Variants in ZNF354C observed in about 807,000 individuals in gnomAD.
ZNF354C encodes zinc finger protein 354C, also known as KRAB-zinc finger protein synten.
ZNF354C carries 7 observed loss-of-function variants against 12.4 expected under a neutral mutation model. The ratio of observed to expected loss-of-function variants is 0.56; its 90% CI spans 0.32 to 1.06. ZNF354C has a LOEUF of 1.06. Ranked by LOEUF, ZNF354C falls within the 50% of genes least tolerant of loss-of-function variation. ZNF354C has a pLI of 0.04. For synonymous variants in ZNF354C, 202 were observed against 224.5 expected, an observed-to-expected ratio of 0.90 and a Z score of 0.90; for missense variants, 609 against 658.0, an observed-to-expected ratio of 0.93 and a Z score of 0.81.
In ZNF354C at chr5:179,073,621, A is replaced by G. The variant is rs184808551; in HGVS notation, c.28-2824A>G. On this transcript the variant is annotated intron_variant, in intron 2 of 4. Transcript: ENST00000315475. The stretch of plus-strand genomic sequence containing the variant: ...GGTCTATTTTTTTGACTCTTGGCCA[A>G]AACAAGATAAAGGCAGCATGGTTTT... Among the ~76,000 whole-genome samples, 16 of 152,214 alleles carry G rather than the reference A, an allele frequency of 1.1e-4. No homozygotes were observed. In the East Asian group the frequency reaches 3.1e-3, roughly 29 times the overall value.
chr5:179,064,968 G>T (rs1451287462), intron 2 of ZNF354C, among the ~76,000 whole-genome samples: 1 of 152,086 alleles, frequency 6.6e-6, no homozygotes, highest in Non-Finnish European at 1.5e-5. Context: ...AAGGCACATG[G>T]AATTTGGTAT....
chr5:179,065,638 A>G (rs759971338), intron 2 of ZNF354C, among the ~76,000 whole-genome samples: 8 of 151,886 alleles, frequency 5.3e-5, no homozygotes, highest in Non-Finnish European at 1.2e-4. Context: ...CTGGTCTCGA[A>G]CTCTTGGCCT....
intron 2 of ZNF354C, among the ~76,000 whole-genome samples, chr5:179,074,912 T>C (rs867485541): frequency 3.3e-5 from 5 of 152,134 alleles, no homozygotes; most frequent in South Asian, 4.1e-4. Context: ...ACATTATAAT[T>C]ATTCGAGTAA....
At chr5:179,069,815 G>A (rs1028475565) in intron 2 of ZNF354C, among the ~76,000 whole-genome samples, 12 of 148,484 alleles carry the variant, frequency 8.1e-5, no homozygotes, top group African/African-American at 2.7e-4. Context: ...GCAGTGAGCC[G>A]AGATTGCGCC....
At position 179,082,908 on chromosome 5, in the gene ZNF354C, A is replaced by G; in HGVS notation, c.*2811A>G. On this transcript the variant is annotated 3_prime_UTR_variant, in exon 5 of 5. Coordinates refer to ENST00000315475, the MANE Select transcript of ZNF354C (RefSeq NM_014594.3). ...CTTGCCAGTGCGCTGATGAAGAATCACGGAGAACTCCACCTCATCTCCTGC... is the reference window on the plus strand; with the variant it reads ...CTTGCCAGTGCGCTGATGAAGAATCGCGGAGAACTCCACCTCATCTCCTGC... The G allele has an allele frequency of 1.0e-6, 1 of 984,726 alleles. No homozygotes were observed. Among genetic ancestry groups the G allele is most frequent in the Non-Finnish European group, 1.6e-6 (1 of 611,708 alleles). 61.0% of individuals were successfully genotyped at this position (984,726 alleles called of 1,614,324 possible).
Position 179,076,552 on chromosome 5 carries a change from C to T in ZNF354C, c.135C>T (p.Tyr45=), listed in dbSNP as rs778217762. The T allele has an allele frequency of 1.2e-5, 20 of 1,614,120 alleles. No homozygotes were observed. The highest frequency in any genetic ancestry group is 5.0e-5 in the Admixed American group (3 of 60,022). ...ALYREVMLEN[Y]SSLVSLGIPF... ...ACCGGGAGGTGATGCTGGAGAACTACAGCAGCCTGGTCTCACTGGGTAAGA... is the reference window on the plus strand; with the variant it reads ...ACCGGGAGGTGATGCTGGAGAACTATAGCAGCCTGGTCTCACTGGGTAAGA... The change falls in exon 3 of 5, where the codon TAC becomes TAT. Residue 45 remains tyrosine, a synonymous_variant. Coordinates refer to ENST00000315475, the MANE Select transcript of ZNF354C (RefSeq NM_014594.3).
intron 4 of ZNF354C, 39 bp downstream of exon 4, chr5:179,077,205 T>A (rs1283338643): frequency 1.3e-6 from 2 of 1,526,370 alleles, no homozygotes; most frequent in Non-Finnish European, 1.8e-6. Context: ...AGGGGTTCTT[T>A]ATAGACAAGT....
rs1762229149 is a variant in ZNF354C, at chr5:179,081,735, A to AT, written c.*1638_*1639insT. 6.6e-6 allele frequency: 1 copy of AT among 152,196 alleles called. No individual in the cohort carries two copies. The highest frequency in any genetic ancestry group is 2.4e-5 in the African/African-American group (1 of 41,442). The allele number at this position is 152,196 out of a possible 1,614,324, so 9.4% of individuals were successfully genotyped here. A position where few individuals can be genotyped will look rare whatever the true frequency, so the allele number is the denominator to read the frequency against. On this transcript the variant is annotated 3_prime_UTR_variant, in exon 5 of 5. Coordinates refer to ENST00000315475, the MANE Select transcript of ZNF354C (RefSeq NM_014594.3). ...GGTTTCTAAATGCCATTCCCCACTA[A>AT]AAGGAACCAGGGTTCCTTGGAGAAA...
chr5:179,076,698 G>A (rs1201956284), intron 3 of ZNF354C, 127 bp downstream of exon 3: 2 of 1,220,064 alleles, frequency 1.6e-6, no homozygotes, highest in Non-Finnish European at 2.3e-6. Flanking sequence ...CTGTAGAGTG[G>A]AAAGTGTACA....
intron 2 of ZNF354C, among the ~76,000 whole-genome samples, chr5:179,073,938 T>C (rs1339785849): frequency 6.6e-6 from 1 of 152,018 alleles, no homozygotes; most frequent in Non-Finnish European, 1.5e-5. Context: ...GTTACAGGTG[T>C]GAGCCACTGA....
At position 179,082,743 on chromosome 5, in the gene ZNF354C, G is replaced by A. The variant is rs1762246071; in HGVS notation, c.*2646G>A. The A allele has an allele frequency of 6.8e-7, 1 of 1,472,144 alleles. No individual in the cohort carries two copies. The highest frequency in any genetic ancestry group is 9.5e-7 in the Non-Finnish European group (1 of 1,052,762). The allele number at this position is 1,472,144 out of a possible 1,614,324, so 91.2% of individuals were successfully genotyped here. On this transcript the variant is annotated 3_prime_UTR_variant, in exon 5 of 5. Transcript: ENST00000315475. The stretch of plus-strand genomic sequence containing the variant: ...CCCCATTGAGTTATCTGGTCCCCTT[G>A]GCTGACGAAGAGCCATTAGGCGAGG...
In ZNF354C at chr5:179,078,944, C is replaced by G. The variant is rs140067208; in HGVS notation, c.512C>G (p.Thr171Arg). 6.2e-7 allele frequency: 1 copy of G among 1,613,992 alleles called. No individual in the cohort carries two copies. The highest frequency in any genetic ancestry group is 8.5e-7 in the Non-Finnish European group (1 of 1,179,942). ...CTTGAATTGGGGAAAAGCTTATTTA[C>G]AAATACAGCTCTTGTCACACAACAG... ...TSLELGKSLF[T>R]NTALVTQQSV... The change falls in exon 5 of 5, where the codon ACA becomes AGA. Residue 171 changes from threonine to arginine, a missense_variant. Coordinates refer to ENST00000315475, the MANE Select transcript of ZNF354C (RefSeq NM_014594.3).
chr5:179,071,489 C>T (rs1762051431), intron 2 of ZNF354C, among the ~76,000 whole-genome samples: 1 of 151,532 alleles, frequency 6.6e-6, no homozygotes, highest in Non-Finnish European at 1.5e-5. Flanking sequence ...AACTACTACA[C>T]TCTGGATAAA....
In ZNF354C at chr5:179,080,003, A is replaced by ATAAG. The variant is rs1561752746; in HGVS notation, c.1573_1576dup (p.Trp526Ter). On this transcript the variant is annotated frameshift_variant, in exon 5 of 5. Transcript: ENST00000315475. LOFTEE classifies it low-confidence loss of function (END_TRUNC). ...AAAGTTCACACGAAAGAGAAACTCT[A>ATAAG]TAAGTGGAAGGAATATGGGAAACCT... The ATAAG allele has an allele frequency of 1.8e-5, 29 of 1,613,978 alleles. No homozygotes were observed. The highest frequency in any genetic ancestry group is 2.4e-5 in the Non-Finnish European group (28 of 1,179,936).
At chr5:179,077,872 C>T (rs1762148091) in intron 4 of ZNF354C, among the ~76,000 whole-genome samples, 1 of 139,872 alleles carries the variant, frequency 7.1e-6, no homozygotes, top group East Asian at 2.2e-4. Context: ...GTGGTGTGAT[C>T]ACAGCTCACT....
Position 179,079,508 on chromosome 5 carries a change from G to T in ZNF354C, c.1076G>T (p.Ser359Ile). The T allele has an allele frequency of 6.2e-7, 1 of 1,614,136 alleles. No homozygotes were observed. Among genetic ancestry groups the T allele is most frequent in the Non-Finnish European group, 8.5e-7 (1 of 1,180,026 alleles). The change falls in exon 5 of 5, where the codon AGT becomes ATT. Residue 359 changes from serine (S) to isoleucine (I), a missense_variant. Coordinates refer to ENST00000315475, the MANE Select transcript of ZNF354C (RefSeq NM_014594.3). This position sits in a 1 kb window ranked among gnomAD's most constrained non-coding sequence, Gnocchi z 4.2. ...IHTGEKPYKC[S>I]ECGKGYSQFT... ...ACAGGTGAGAAACCCTATAAATGTA[G>T]TGAGTGTGGGAAGGGATACAGCCAG...
At position 179,079,123 on chromosome 5, in the gene ZNF354C, C is replaced by G. The variant is rs1762177721; in HGVS notation, c.691C>G (p.Leu231Val). 3.1e-6 allele frequency: 5 copies of G among 1,613,840 alleles called. No homozygotes were observed. The highest frequency in any genetic ancestry group is 4.2e-6 in the Non-Finnish European group (5 of 1,179,978). Reference sequence around the variant, plus strand: ...GAAGAGCTTCAAGCAGAATCTGCATCTTATTGAACATCAGAGAATTCATAC... The same window carrying G: ...GAAGAGCTTCAAGCAGAATCTGCATGTTATTGAACATCAGAGAATTCATAC... ...CGKSFKQNLHLIEHQRIHTGE... is the reference protein window; with the variant it reads ...CGKSFKQNLHVIEHQRIHTGE... The change falls in exon 5 of 5, where the codon CTT becomes GTT. Residue 231 changes from leucine (L) to valine (V), a missense_variant. Physicochemically the swap from Leu to Val is conservative, Grantham distance 32. Transcript: ENST00000315475. This position sits in a 1 kb window ranked among gnomAD's most constrained non-coding sequence, Gnocchi z 4.2.
rs553473155 is a variant in ZNF354C at position 179,067,607 on chromosome 5, G to C, written c.27+5512G>C. Reference sequence around the variant, plus strand: ...ATAGCCTGTAATCCCAGCACTTTGGGAGGCCAAGGCAGGCGGATCACCCTG... The same window carrying C: ...ATAGCCTGTAATCCCAGCACTTTGGCAGGCCAAGGCAGGCGGATCACCCTG... On this transcript the variant is annotated intron_variant, in intron 2 of 4. Coordinates refer to ENST00000315475, the MANE Select transcript of ZNF354C (RefSeq NM_014594.3). 2.0e-5 allele frequency among the ~76,000 whole-genome samples: 3 copies of C among 152,322 alleles called. No individual in the cohort carries two copies. In the South Asian group the frequency reaches 6.2e-4, roughly 32 times the overall value.
chr5:179,061,909 G>C, intron 1 of ZNF354C, 106 bp from the exon 2 acceptor site: 2 of 762,886 alleles, frequency 2.6e-6, no homozygotes, highest in South Asian at 2.9e-5. Flanking sequence ...TCATTACGGG[G>C]GGTGGCTTTT....
Sources: gnomAD v4.1 joint callset for allele counts (sites outside exome capture counted in the v4.1 genomes callset) on GRCh38, gnomAD v4.1.1 for gene constraint, Gnocchi (gnomAD v3.1) non-coding constraint, MANE v1.5 for transcripts, NCBI Gene and HGNC (gene_info 2026-07-23, HGNC 2026-07-21) for gene names.